Variants in PAXBP1 observed in about 807,000 individuals in gnomAD.
PAXBP1 encodes the protein PAX3 and PAX7 binding protein 1, also known as PAX3- and PAX7-binding protein 1.
In PAXBP1, 44 loss-of-function variants were observed where a neutral mutation model predicts 119.9. The observed-to-expected ratio is 0.37, with a 90% CI of 0.29 to 0.47. The LOEUF (loss-of-function observed/expected upper bound fraction) is 0.47. Among genes scored for constraint, PAXBP1 ranks in the 20% least tolerant of loss-of-function variants. The probability of loss-of-function intolerance (pLI) is 0.99; values close to 1 mark genes in which losing one functional copy is unlikely to be tolerated. For synonymous variants in PAXBP1, 393 were observed against 406.6 expected (o/e 0.97, Z 0.40); for missense variants, 898 against 1,134.1 (o/e 0.79, Z 2.99).
intron 8 of PAXBP1, 142 bp from the exon 9 acceptor site, chr21:32,751,360 T>G (rs965974432): frequency 3.0e-6 from 2 of 661,502 alleles, no homozygotes; most frequent in African/African-American, 3.6e-5. Flanking sequence ...CAGGTAGGTT[T>G]TTGGTTTAGA....
chr21:32,766,439 AC>A (rs1182324841), intron 2 of PAXBP1, among the ~76,000 whole-genome samples: 1 of 152,052 alleles, frequency 6.6e-6, no homozygotes, highest in Non-Finnish European at 1.5e-5. Flanking sequence ...ACTTCAGGAA[AC>A]CTGCTCACAA....
intron 14 of PAXBP1, 89 bp downstream of exon 14, chr21:32,743,587 TTG>T: frequency 1.0e-6 from 1 of 972,064 alleles, no homozygotes; most frequent in Non-Finnish European, 1.6e-6. Flanking sequence ...TGGGTGAAGT[TTG>T]TATTTCAAGC....
rs549034458 is a variant in PAXBP1, at chr21:32,739,335, T to A, written c.2335-1016A>T. 2.0e-5 allele frequency among the ~76,000 whole-genome samples: 3 copies of A among 152,272 alleles called. No individual in the cohort carries two copies. The East Asian group carries it at 5.8e-4, about 29-fold the overall frequency. ...TTTGATTCCCATCTCTAATTACCAA[T>A]GGAATGACCTTGTGCAGGTTATTGT... On this transcript the variant is annotated intron_variant, in intron 15 of 17. Transcript: ENST00000331923.
intron 2 of PAXBP1, among the ~76,000 whole-genome samples, chr21:32,764,738 G>T (rs1010922996): frequency 6.6e-6 from 1 of 152,086 alleles, no homozygotes; most frequent in Non-Finnish European, 1.5e-5. Context: ...TAACAGACAG[G>T]ATTAGGTAAA....
chr21:32,748,762 A>G (rs1009687330), intron 10 of PAXBP1, 64 bp from the exon 11 acceptor site: 16 of 1,411,560 alleles, frequency 1.1e-5, no homozygotes, highest in Non-Finnish European at 1.5e-5. Context: ...AAACAGTCCA[A>G]TATTTTCAGT....
intron 15 of PAXBP1, among the ~76,000 whole-genome samples, chr21:32,739,996 TC>T (rs2043757222): frequency 7.0e-6 from 1 of 143,270 alleles, no homozygotes; most frequent in Non-Finnish European, 1.5e-5. Flanking sequence ...CTTAAACCCT[TC>T]CATGACACAT....
intron 15 of PAXBP1, among the ~76,000 whole-genome samples, chr21:32,740,314 T>C (rs1348997124): frequency 3.9e-5 from 6 of 152,210 alleles, no homozygotes; most frequent in East Asian, 1.9e-4. Flanking sequence ...ATTTCTTACA[T>C]ATTGATTGAT....
At chr21:32,767,689 T>G (rs2044264981) in intron 2 of PAXBP1, among the ~76,000 whole-genome samples, 2 of 152,210 alleles carry the variant, frequency 1.3e-5, no homozygotes, top group Non-Finnish European at 2.9e-5. Flanking sequence ...CCTCCTCATT[T>G]TCTCTTGCTG....
chr21:32,753,996 T>C (rs2044003997), intron 8 of PAXBP1, among the ~76,000 whole-genome samples: 1 of 152,176 alleles, frequency 6.6e-6, no homozygotes, highest in African/African-American at 2.4e-5. Flanking sequence ...GAGGGATGCA[T>C]GAGTCATGTA....
chr21:32,759,334 T>G, intron 6 of PAXBP1, 65 bp from the exon 7 acceptor site: 1 of 1,438,102 alleles, frequency 7.0e-7, no homozygotes, highest in Non-Finnish European at 9.5e-7. Flanking sequence ...TCAGGACTCT[T>G]GCAATATTAA....
At chr21:32,764,206 G>A in intron 3 of PAXBP1, 142 bp downstream of exon 3, 2 of 760,810 alleles carry the variant, frequency 2.6e-6, no homozygotes, top group Non-Finnish European at 4.0e-6. Flanking sequence ...TTTTATATTT[G>A]CAAATGGAAA....
At chr21:32,769,306 C>T (rs1235786367) in intron 2 of PAXBP1, among the ~76,000 whole-genome samples, 1 of 151,890 alleles carries the variant, frequency 6.6e-6, no homozygotes, top group Admixed American at 6.6e-5. Context: ...TACAATATAC[C>T]TGCCTCATTA....
chr21:32,759,350 G>A (rs930214547), intron 6 of PAXBP1, 81 bp from the exon 7 acceptor site: 28 of 1,252,634 alleles, frequency 2.2e-5, no homozygotes, highest in Non-Finnish European at 2.9e-5. Context: ...ATTAAAATAT[G>A]CATTTAGCTC....
At chr21:32,759,408 C>A in intron 6 of PAXBP1, 139 bp from the exon 7 acceptor site, 1 of 928,056 alleles carries the variant, frequency 1.1e-6, no homozygotes, top group East Asian at 2.7e-5. Context: ...TTCCTCTGTA[C>A]TGCTTTTTTT....
chr21:32,771,405 C>T lies in PAXBP1; in HGVS notation c.264G>A (p.Gly88=). The T allele has an allele frequency of 6.4e-7, 1 of 1,555,636 alleles. No homozygotes were observed. The highest frequency in any genetic ancestry group is 8.6e-7 in the Non-Finnish European group (1 of 1,160,610). Residue 88 remains glycine, a synonymous_variant, in exon 1 of 18, where the codon GGG becomes GGA. Coordinates refer to ENST00000331923, the MANE Select transcript of PAXBP1 (RefSeq NM_016631.4). ...GFPGGAEPGN[G]LKPRKRPREN... is the part of the protein sequence containing the mutation. The stretch of plus-strand genomic sequence containing the variant: ...CGCGAGGCCTCTTGCGCGGCTTCAG[C>T]CCGTTGCCGGGCTCCGCGCCGCCGG...
intron 10 of PAXBP1, among the ~76,000 whole-genome samples, chr21:32,749,626 T>C (rs1016783448): frequency 6.6e-6 from 1 of 152,112 alleles, no homozygotes; most frequent in Non-Finnish European, 1.5e-5. Context: ...AGTCTAACAT[T>C]TGTCATGTGC....
intron 14 of PAXBP1, 108 bp downstream of exon 14, chr21:32,743,570 C>T: frequency 2.3e-6 from 2 of 854,052 alleles, no homozygotes; most frequent in South Asian, 3.1e-5. Flanking sequence ...CTCTGTAATA[C>T]ACTACATGGG....
chr21:32,764,395 C>G lies in PAXBP1; in HGVS notation c.602G>C (p.Gly201Ala). 1 of 1,613,836 alleles carries G rather than the reference C, an allele frequency of 6.2e-7. No homozygotes were observed. Among genetic ancestry groups the G allele is most frequent in the Middle Eastern group, 1.7e-4 (1 of 6,056 alleles). ...AGATAAAGCATTTGAAAAAGCTCCA[C>G]CAGTCTTTGGCTTTTCTTCCTCTTT... is the stretch of plus-strand genomic sequence containing the variant. ...SEKEEEKPKT[G>A]GAFSNALSSL... The change falls in exon 3 of 18, where the codon GGT becomes GCT. Residue 201 changes from glycine to alanine, a missense_variant. Transcript: ENST00000331923.
rs987092705 is a variant in PAXBP1 at position 32,759,862 on chromosome 21, T to C, written c.1108A>G (p.Thr370Ala). 6.2e-7 allele frequency: 1 copy of C among 1,613,992 alleles called. No individual in the cohort carries two copies. Among genetic ancestry groups the C allele is most frequent in the South Asian group, 1.1e-5 (1 of 91,078 alleles). ...YGSSDAKSQK[T>A]DNTVPFKTPS... ...GTTTTGAAAGGGACTGTATTATCTG[T>C]TTTTTGAGATTTGGCATCTGATGAT... The change falls in exon 6 of 18, where the codon ACA (threonine) becomes GCA (alanine). Residue 370 changes from threonine (T) to alanine (A), a missense_variant. Physicochemically the swap from Thr to Ala is moderately conservative, Grantham distance 58 (BLOSUM62 0). This residue lies in a region of PAXBP1 where 599 missense variants were observed against 852.7 expected (regional missense o/e 0.70). Transcript: ENST00000331923.
Sources: allele counts gnomAD v4.1 joint callset (sites outside exome capture counted in the v4.1 genomes callset), GRCh38; gene constraint gnomAD v4.1.1; regional missense constraint gnomAD v4.1.1; transcripts MANE v1.5; gene names NCBI Gene and HGNC (gene_info 2026-07-23, HGNC 2026-07-21).